The following GRIN2A variants were observed in gnomAD, a reference collection of about 807,000 sequenced individuals.
The protein encoded by GRIN2A is glutamate ionotropic receptor NMDA type subunit 2A.
In GRIN2A, 22 loss-of-function variants were observed where a neutral mutation model predicts 113.4. The ratio of observed to expected loss-of-function variants is 0.19; its 90% CI spans 0.14 to 0.28. GRIN2A has a LOEUF of 0.28. GRIN2A is among the 10% of genes least tolerant of loss of function. The pLI, the probability that GRIN2A is intolerant of heterozygous loss-of-function variation, is 1.00. For missense variants in GRIN2A, 1,502 were observed against 1,887.0 expected (o/e 0.80, Z 3.78); for synonymous variants, 827 against 738.4 (o/e 1.12, Z -1.94).
intron 4 of GRIN2A, among the ~76,000 whole-genome samples, chr16:9,868,361 G>A (rs2043198192): frequency 6.6e-6 from 1 of 152,082 alleles, no homozygotes; most frequent in African/African-American, 2.4e-5. Context: ...CCGCCTCCCG[G>A]GTTCGAGCGA....
intron 9 of GRIN2A, among the ~76,000 whole-genome samples, chr16:9,828,024 A>G (rs932959222): frequency 6.6e-6 from 1 of 152,174 alleles, no homozygotes; most frequent in Non-Finnish European, 1.5e-5. Context: ...GCCTGAGCTC[A>G]TTCTGCCAAG....
At chr16:10,044,657 G>T (rs759070434) in intron 2 of GRIN2A, among the ~76,000 whole-genome samples, 1 of 149,288 alleles carries the variant, frequency 6.7e-6, no homozygotes, top group African/African-American at 2.5e-5. Context: ...GTTCATACTA[G>T]ATGCTCAATA....
At chr16:9,812,886 C>T (rs1395048466) in intron 10 of GRIN2A, among the ~76,000 whole-genome samples, 1 of 152,114 alleles carries the variant, frequency 6.6e-6, no homozygotes, top group Non-Finnish European at 1.5e-5. Flanking sequence ...CCAAAGGCTC[C>T]ACAATTGTGA....
At chr16:9,926,611 T>C (rs1230075290) in intron 3 of GRIN2A, among the ~76,000 whole-genome samples, 2 of 152,194 alleles carry the variant, frequency 1.3e-5, no homozygotes, top group African/African-American at 4.8e-5. Context: ...GTTCTTGTTT[T>C]GGAAATAAAT....
chr16:9,960,584 T>C (rs900353493), intron 2 of GRIN2A, among the ~76,000 whole-genome samples: 4 of 152,220 alleles, frequency 2.6e-5, no homozygotes, highest in African/African-American at 7.2e-5. Context: ...TTGTATCACT[T>C]GTTCCTAACG....
At chr16:9,994,033 G>A (rs900347399) in intron 2 of GRIN2A, among the ~76,000 whole-genome samples, 5 of 152,200 alleles carry the variant, frequency 3.3e-5, no homozygotes, top group Admixed American at 2.0e-4. Flanking sequence ...CTGTAGTGAG[G>A]CAAGGGAAGA....
intron 2 of GRIN2A, among the ~76,000 whole-genome samples, chr16:10,018,921 C>T (rs1335095982): frequency 6.6e-6 from 1 of 152,194 alleles, no homozygotes; most frequent in Non-Finnish European, 1.5e-5. Flanking sequence ...CCTTCAGTGA[C>T]TTTGGACCAT....
At chr16:9,923,466 A>G (rs2044395623) in intron 3 of GRIN2A, among the ~76,000 whole-genome samples, 1 of 152,058 alleles carries the variant, frequency 6.6e-6, no homozygotes, top group Non-Finnish European at 1.5e-5. Flanking sequence ...TATTTGTTCT[A>G]TCTAATCTTT....
intron 2 of GRIN2A, among the ~76,000 whole-genome samples, chr16:10,163,648 A>G (rs1046232270): frequency 5.1e-4 from 52 of 102,188 alleles, no homozygotes; most frequent in African/African-American, 2.1e-3. Context: ...CTACCTCCCC[A>G]TAACCAGCCA....
In GRIN2A at chr16:9,757,759, C is replaced by T. The variant is rs570348329; in HGVS notation, c.*5390G>A. The T allele has an allele frequency of 2.3e-5, 5 of 217,478 alleles. No homozygotes were observed. The highest frequency in any genetic ancestry group is 6.7e-5 in the African/African-American group (3 of 44,568). 13.5% of individuals were successfully genotyped at this position (217,478 alleles called of 1,614,324 possible). ...TCCCTGTTGATTTTTCCTAAGGAGA[C>T]GGTCTCTGAGAAAAGTTTTCTCTTC... On this transcript the variant is annotated 3_prime_UTR_variant, in exon 13 of 13. Coordinates refer to ENST00000330684, the MANE Select transcript of GRIN2A (RefSeq NM_001134407.3).
At chr16:9,912,309 G>A (rs1476914568) in intron 3 of GRIN2A, among the ~76,000 whole-genome samples, 4 of 152,090 alleles carry the variant, frequency 2.6e-5, no homozygotes, top group Non-Finnish European at 4.4e-5. Flanking sequence ...TATAAATGGT[G>A]ATGGCAATGA....
At chr16:10,080,275 T>C (rs1195219056) in intron 2 of GRIN2A, among the ~76,000 whole-genome samples, 2 of 152,200 alleles carry the variant, frequency 1.3e-5, no homozygotes, top group African/African-American at 4.8e-5. Flanking sequence ...AATAAATCAA[T>C]GAATGGGTTT....
chr16:10,066,787 G>C (rs1486109331), intron 2 of GRIN2A, among the ~76,000 whole-genome samples: 1 of 152,190 alleles, frequency 6.6e-6, no homozygotes, highest in African/African-American at 2.4e-5. Context: ...CAGCTCAGCA[G>C]TAGGCACTTG....
At chr16:9,992,938 G>A (rs1026592531) in intron 2 of GRIN2A, among the ~76,000 whole-genome samples, 4 of 152,092 alleles carry the variant, frequency 2.6e-5, no homozygotes, top group African/African-American at 4.8e-5. Context: ...AAATAAGGCC[G>A]GTGGCGGTGG....
chr16:9,906,205 C>G (rs548698782), intron 3 of GRIN2A, among the ~76,000 whole-genome samples: 37 of 152,296 alleles, frequency 2.4e-4, no homozygotes, highest in African/African-American at 3.6e-4. Flanking sequence ...TCTCAAAACC[C>G]TGAAATGGAT....
Position 9,760,458 on chromosome 16 carries a change from T to C in GRIN2A, c.*2691A>G. The C allele has an allele frequency of 5.2e-6, 1 of 193,446 alleles. No individual in the cohort carries two copies. The highest frequency in any genetic ancestry group is 1.0e-5 in the Non-Finnish European group (1 of 97,902). The allele number at this position is 193,446 out of a possible 1,614,324, so 12.0% of individuals were successfully genotyped here. A position where few individuals can be genotyped will look rare whatever the true frequency, so the allele number is the denominator to read the frequency against. On this transcript the variant is annotated 3_prime_UTR_variant, in exon 13 of 13. Transcript: ENST00000330684. ...AGTAGAGAAGGGATACCATAAACTT[T>C]GTGTAGCATAACATTTCTGATTATT...
intron 2 of GRIN2A, among the ~76,000 whole-genome samples, chr16:10,044,643 T>C (rs2141969136): frequency 6.7e-6 from 1 of 149,946 alleles, no homozygotes; most frequent in Non-Finnish European, 1.5e-5. Context: ...AGCACCAATG[T>C]CTGGTTCATA....
intron 2 of GRIN2A, among the ~76,000 whole-genome samples, chr16:9,950,442 C>G (rs891180426): frequency 3.3e-5 from 5 of 152,064 alleles, no homozygotes; most frequent in Non-Finnish European, 7.4e-5. Context: ...GGGAGGAGGT[C>G]ACCACCCATC....
chr16:9,867,305 C>T (rs55792243), intron 4 of GRIN2A, among the ~76,000 whole-genome samples: 3,029 of 152,266 alleles, frequency 0.02, 103 homozygotes, highest in African/African-American at 0.069. Flanking sequence ...TGCATCTCTC[C>T]CATTCCCTAG....
Sources: gnomAD v4.1 joint callset for allele counts (sites outside exome capture counted in the v4.1 genomes callset) on GRCh38, gnomAD v4.1.1 for gene constraint, MANE v1.5 for transcripts, NCBI Gene and HGNC (gene_info 2026-07-23, HGNC 2026-07-21) for gene names.